OPHN1: variants seen among roughly 807,000 people sequenced by gnomAD.
The protein encoded by OPHN1 is oligophrenin 1.
Under a neutral mutation model 60.7 loss-of-function variants are expected in OPHN1, and 11 were observed. The observed-to-expected ratio is 0.18, with a 90% CI of 0.11 to 0.30. OPHN1 has a LOEUF of 0.30. Ranked by LOEUF, OPHN1 falls within the 10% of genes least tolerant of loss-of-function variation. The pLI is 1.00. For synonymous variants in OPHN1, 226 were observed against 222.6 expected (o/e 1.02, Z -0.14); for missense variants, 449 against 611.0 (o/e 0.73, Z 2.80).
chrX:68,235,801 T>C (rs1406975293), intron 5 of OPHN1, among the ~76,000 whole-genome samples: 3 of 109,644 alleles, frequency 2.7e-5, no homozygotes, highest in Non-Finnish European at 5.7e-5. Flanking sequence ...GAGGTTACAG[T>C]GAGCCGAGAT....
At chrX:68,273,360 C>G (rs1464476529) in intron 5 of OPHN1, among the ~76,000 whole-genome samples, 1 of 111,853 alleles carries the variant, frequency 8.9e-6, no homozygotes. Flanking sequence ...ACCTTTGCTA[C>G]ATGGTGGATA....
In OPHN1 at chrX:68,327,039, A is replaced by G. The variant is rs1267866872; in HGVS notation, c.155-27943T>C. 1.8e-4 allele frequency among the ~76,000 whole-genome samples: 8 copies of G among 45,678 alleles called. No homozygotes were observed. The East Asian group carries it at 4.3e-3, about 24-fold the overall frequency. 39.7% of individuals were successfully genotyped at this position (45,678 alleles called of 115,157 possible). A position where few individuals can be genotyped will look rare whatever the true frequency, so the allele number is the denominator to read the frequency against. ...CGTCCGGGAGGGAGGTGGGGGGAAC[A>G]GCCCCCGCCCGGCCAGCCGCCCTAT... On this transcript the variant is annotated intron_variant, in intron 2 of 24. Transcript: ENST00000355520.
At chrX:68,221,994 C>G (rs1454387897) in intron 6 of OPHN1, among the ~76,000 whole-genome samples, 2 of 108,093 alleles carry the variant, frequency 1.9e-5, no homozygotes, top group African/African-American at 6.7e-5. Context: ...AACAGGCAAC[C>G]TACAAAATGG....
intron 7 of OPHN1, among the ~76,000 whole-genome samples, chrX:68,212,714 C>A (rs2077590247): frequency 8.9e-6 from 1 of 112,480 alleles, no homozygotes. Flanking sequence ...AACATTTACC[C>A]TTGACTCAGC....
At chrX:68,281,213 A>G (rs1010277522) in intron 4 of OPHN1, among the ~76,000 whole-genome samples, 1 of 112,216 alleles carries the variant, frequency 8.9e-6, no homozygotes, top group Non-Finnish European at 1.9e-5. Flanking sequence ...GGTATTTGTG[A>G]AAGAATAGAT....
chrX:68,115,322 A>C (rs182288884), intron 16 of OPHN1, among the ~76,000 whole-genome samples: 1 of 112,374 alleles, frequency 8.9e-6, no homozygotes, highest in East Asian at 2.8e-4. Flanking sequence ...CAAAGTGTTT[A>C]ATATGAAAAT....
At chrX:68,104,713 A>G (rs1247483304) in intron 18 of OPHN1, among the ~76,000 whole-genome samples, 3 of 112,115 alleles carry the variant, frequency 2.7e-5, no homozygotes, top group Non-Finnish European at 5.6e-5. Flanking sequence ...AACCCTAGAT[A>G]AAAACATAGG....
At chrX:68,412,428 G>C (rs953396718) in intron 2 of OPHN1, among the ~76,000 whole-genome samples, 1 of 111,633 alleles carries the variant, frequency 9.0e-6, no homozygotes, top group Non-Finnish European at 1.9e-5. Context: ...TCCATTTATA[G>C]AGTAGTCAAA....
chrX:68,225,713 C>T (rs1256118646), intron 6 of OPHN1, among the ~76,000 whole-genome samples: 1 of 111,872 alleles, frequency 8.9e-6, no homozygotes, highest in Non-Finnish European at 1.9e-5. Context: ...CACCAAAACC[C>T]CATCTGTGCG....
At chrX:68,145,484 C>A (rs759768868) in intron 15 of OPHN1, among the ~76,000 whole-genome samples, 38 of 111,888 alleles carry the variant, frequency 3.4e-4, no homozygotes, top group African/African-American at 1.1e-3. Flanking sequence ...GATTGCCTTG[C>A]ATACTAATGT....
At chrX:68,225,835 T>C (rs1035539876) in intron 6 of OPHN1, among the ~76,000 whole-genome samples, 2 of 112,238 alleles carry the variant, frequency 1.8e-5, no homozygotes, top group African/African-American at 3.2e-5. Flanking sequence ...CAAAGGAACG[T>C]AGCTCCTCAC....
At chrX:68,287,156 G>GAAGGAAAGAAAGAAAGAAAGAAA (rs2078045926) in intron 3 of OPHN1, among the ~76,000 whole-genome samples, 1 of 72,902 alleles carries the variant, frequency 1.4e-5, no homozygotes, top group African/African-American at 7.4e-5. Flanking sequence ...GAAGAAAGAA[G>GAAGGAAAGAAAGAAAGAAAGAAA]GAAAGAAAGA....
intron 19 of OPHN1, among the ~76,000 whole-genome samples, chrX:68,079,144 C>T (rs1297255563): frequency 1.8e-5 from 2 of 111,072 alleles, no homozygotes; most frequent in Non-Finnish European, 3.8e-5. Context: ...TGCTCTGGAT[C>T]CCATCTCATC....
At chrX:68,224,891 GC>G (rs2077682108) in intron 6 of OPHN1, among the ~76,000 whole-genome samples, 1 of 112,273 alleles carries the variant, frequency 8.9e-6, no homozygotes, top group Admixed American at 9.4e-5. Flanking sequence ...AGTGGGTGCA[GC>G]CCACAGAGTG....
chrX:68,236,912 T>C (rs762143404), intron 5 of OPHN1, among the ~76,000 whole-genome samples: 2 of 112,564 alleles, frequency 1.8e-5, no homozygotes, highest in Admixed American at 1.9e-4. Context: ...CTGGACTCTT[T>C]ATTCTATTGA....
intron 15 of OPHN1, among the ~76,000 whole-genome samples, chrX:68,176,973 C>CAT (rs59326514): frequency 0.067 from 6,666 of 99,025 alleles, 228 homozygotes; most frequent in African/African-American, 0.12. Context: ...TTTATATATA[C>CAT]ATATATATAT....
intron 15 of OPHN1, among the ~76,000 whole-genome samples, chrX:68,177,093 C>T: frequency 9.1e-6 from 1 of 109,565 alleles, no homozygotes; most frequent in Non-Finnish European, 1.9e-5. Flanking sequence ...GAGGATATTA[C>T]ACCAAGTGAA....
At chrX:68,324,978 G>A (rs981133820) in intron 2 of OPHN1, among the ~76,000 whole-genome samples, 1 of 111,571 alleles carries the variant, frequency 9.0e-6, no homozygotes, top group African/African-American at 3.3e-5. Context: ...TTGAGCTTGG[G>A]AGGTCAAGGC....
intron 5 of OPHN1, among the ~76,000 whole-genome samples, chrX:68,274,280 G>A (rs1366543430): frequency 8.9e-6 from 1 of 112,222 alleles, no homozygotes; most frequent in African/African-American, 3.2e-5. Flanking sequence ...AATGCCAGAA[G>A]CACACAAAGT....
Sources: gnomAD v4.1 joint callset for allele counts (sites outside exome capture counted in the v4.1 genomes callset) on GRCh38, gnomAD v4.1.1 for gene constraint, MANE v1.5 for transcripts, NCBI Gene and HGNC (gene_info 2026-07-23, HGNC 2026-07-21) for gene names.